The following XRCC4 variants were observed in gnomAD, a reference collection of about 807,000 sequenced individuals.
XRCC4 encodes X-ray repair cross complementing 4.
A neutral mutation model predicts 39.1 loss-of-function variants in XRCC4; 28 were observed. That is an observed-to-expected ratio of 0.72 (90% CI 0.53 to 0.98). The LOEUF is 0.98. XRCC4 is among the 50% of genes least tolerant of loss of function. The pLI is 0.00. For missense variants in XRCC4, 350 were observed against 376.4 expected, an observed-to-expected ratio of 0.93 and a Z score of 0.58; for synonymous variants, 123 against 126.4, an observed-to-expected ratio of 0.97 and a Z score of 0.18.
rs576776122 is a variant in XRCC4 at position 83,280,382 on chromosome 5, A to G, written c.893+21705A>G. ...TCCTTCATGTTTCTTGAATGTCTTA[A>G]AATTCTTCTCTCTGAATATTCTTTC... On this transcript the variant is annotated intron_variant, in intron 7 of 7. Transcript: ENST00000396027. The G allele has an allele frequency of 5.4e-6, 3 of 550,860 alleles. No homozygotes were observed. In the South Asian group the frequency reaches 6.7e-5, roughly 12 times the overall value. 34.1% of individuals were successfully genotyped at this position (550,860 alleles called of 1,614,324 possible).
chr5:83,361,106 T>G, the XRCC4 span, among the ~76,000 whole-genome samples: 1 of 152,274 alleles, frequency 6.6e-6, no homozygotes, highest in African/African-American at 2.4e-5. Context: ...TTCTCTGAAC[T>G]TGAGTTTTCT....
chr5:83,195,555 A>G (rs1249463511), intron 3 of XRCC4, among the ~76,000 whole-genome samples: 4 of 152,116 alleles, frequency 2.6e-5, no homozygotes, highest in Non-Finnish European at 5.9e-5. Context: ...ACTTACAAAA[A>G]TTATTCTTGG....
intron 7 of XRCC4, among the ~76,000 whole-genome samples, chr5:83,285,843 A>G (rs1179566196): frequency 1.3e-5 from 2 of 152,124 alleles, no homozygotes; most frequent in East Asian, 1.9e-4. Context: ...GGGCGGAGGC[A>G]TGGTTCATGA....
intron 6 of XRCC4, among the ~76,000 whole-genome samples, chr5:83,232,280 T>C (rs766968945): frequency 6.6e-6 from 1 of 152,058 alleles, no homozygotes; most frequent in Non-Finnish European, 1.5e-5. Context: ...TTTAGTTAGT[T>C]GTGTACTGGC....
intron 7 of XRCC4, among the ~76,000 whole-genome samples, chr5:83,347,825 G>A (rs566935442): frequency 1.3e-5 from 2 of 152,238 alleles, no homozygotes; most frequent in South Asian, 4.1e-4. Context: ...TTCGACCTAC[G>A]AGCCTATAAA....
chr5:83,178,618 A>C (rs956153255), intron 3 of XRCC4, among the ~76,000 whole-genome samples: 1 of 152,162 alleles, frequency 6.6e-6, no homozygotes, highest in Admixed American at 6.5e-5. Flanking sequence ...AGAGAATTTC[A>C]GTGGAGAATA....
chr5:83,264,113 C>G (rs1213703210), intron 7 of XRCC4, among the ~76,000 whole-genome samples: 2 of 152,170 alleles, frequency 1.3e-5, no homozygotes, highest in African/African-American at 4.8e-5. Context: ...TCTTCCTGAA[C>G]CTACAAAAGC....
In XRCC4 at chr5:83,131,669, A is replaced by T. The variant is rs181842422; in HGVS notation, c.315+20466A>T. Reference sequence around the variant, plus strand: ...GTCTCTTTTGATCTTTGTTGGTTTAAAGTCTGTTTTATCAGAGACTAGGAT... The same window carrying T: ...GTCTCTTTTGATCTTTGTTGGTTTATAGTCTGTTTTATCAGAGACTAGGAT... On this transcript the variant is annotated intron_variant, in intron 3 of 7. Transcript: ENST00000396027. Among the ~76,000 whole-genome samples, 54 of 151,434 alleles carry T rather than the reference A, an allele frequency of 3.6e-4. 2 individuals are homozygous for T. In the East Asian group the frequency reaches 0.01, roughly 28 times the overall value.
chr5:83,284,052 CAAAAAAAA>C (rs766161565), intron 7 of XRCC4, among the ~76,000 whole-genome samples: 218 of 16,098 alleles, frequency 0.014, no homozygotes, highest in African/African-American at 0.037. Context: ...CAACCCAGAG[CAAAAAAAA>C]AAAAAAAAAA....
At chr5:83,245,821 C>G (rs188000942) in intron 6 of XRCC4, among the ~76,000 whole-genome samples, 3 of 136,956 alleles carry the variant, frequency 2.2e-5, no homozygotes, top group Non-Finnish European at 3.1e-5. Flanking sequence ...CTCTTTCCCC[C>G]ACTTTTCTCA....
chr5:83,297,912 TAAC>T (rs1285317264), intron 7 of XRCC4, among the ~76,000 whole-genome samples: 1 of 151,968 alleles, frequency 6.6e-6, no homozygotes, highest in East Asian at 1.9e-4. Flanking sequence ...ACAGAATCAT[TAAC>T]AAAAGATTTT....
At chr5:83,213,082 C>T (rs993195529) in intron 6 of XRCC4, among the ~76,000 whole-genome samples, 4 of 151,554 alleles carry the variant, frequency 2.6e-5, no homozygotes, top group African/African-American at 9.7e-5. Flanking sequence ...GGACAGAAGG[C>T]AGCGGTATAG....
chr5:83,238,500 A>G (rs1045562242), intron 6 of XRCC4, among the ~76,000 whole-genome samples: 2 of 152,210 alleles, frequency 1.3e-5, no homozygotes, highest in Admixed American at 6.5e-5. Flanking sequence ...AGATGTTATT[A>G]AATGCACACA....
At chr5:83,282,973 GT>G (rs893247985) in intron 7 of XRCC4, among the ~76,000 whole-genome samples, 31 of 146,160 alleles carry the variant, frequency 2.1e-4, no homozygotes, top group African/African-American at 7.1e-4. Flanking sequence ...TGACTTTTTT[GT>G]TTGTTTGTTT....
intron 3 of XRCC4, among the ~76,000 whole-genome samples, chr5:83,174,049 T>G (rs1229109821): frequency 6.6e-6 from 1 of 152,200 alleles, no homozygotes; most frequent in Non-Finnish European, 1.5e-5. Flanking sequence ...GGTTTAAAAA[T>G]TAAATGAACC....
intron 7 of XRCC4, among the ~76,000 whole-genome samples, chr5:83,278,052 C>G (rs528732285): frequency 2.1e-4 from 32 of 152,314 alleles, no homozygotes; most frequent in African/African-American, 7.2e-4. Flanking sequence ...AACAAACGCT[C>G]TTTTATTAGC....
chr5:83,221,906 T>C (rs1349307674), intron 6 of XRCC4, among the ~76,000 whole-genome samples: 1 of 151,906 alleles, frequency 6.6e-6, no homozygotes, highest in Non-Finnish European at 1.5e-5. Flanking sequence ...GAATTGACTT[T>C]TTTATAGTTA....
At chr5:83,170,400 A>G (rs1399789222) in intron 3 of XRCC4, among the ~76,000 whole-genome samples, 1 of 152,140 alleles carries the variant, frequency 6.6e-6, no homozygotes, top group Admixed American at 6.6e-5. Flanking sequence ...GGAAAAAAAA[A>G]TCAGCTTGAC....
Position 83,280,364 on chromosome 5 carries a change from T to A in XRCC4, c.893+21687T>A, listed in dbSNP as rs370055534. 6.1e-4 allele frequency: 312 copies of A among 513,582 alleles called. 3 individuals are homozygous for A. The South Asian group carries it at 7.0e-3, about 11-fold the overall frequency. 31.8% of individuals were successfully genotyped at this position (513,582 alleles called of 1,614,324 possible). A position where few individuals can be genotyped will look rare whatever the true frequency, so the allele number is the denominator to read the frequency against. On this transcript the variant is annotated intron_variant, in intron 7 of 7. Transcript: ENST00000396027. Reference sequence around the variant, plus strand: ...GATACTAGATCATGCATTTCCTTCATGTTTCTTGAATGTCTTAAAATTCTT... The same window carrying A: ...GATACTAGATCATGCATTTCCTTCAAGTTTCTTGAATGTCTTAAAATTCTT...
Sources: allele counts gnomAD v4.1 joint callset (sites outside exome capture counted in the v4.1 genomes callset), GRCh38; gene constraint gnomAD v4.1.1; transcripts MANE v1.5; gene names NCBI Gene and HGNC (gene_info 2026-07-23, HGNC 2026-07-21).